Variants in CCDC91 observed in about 807,000 individuals in gnomAD.
The protein encoded by CCDC91 is coiled-coil domain-containing protein 91.
A neutral mutation model predicts 63.2 loss-of-function variants in CCDC91; 48 were observed. The ratio of observed to expected loss-of-function variants is 0.76; its 90% confidence interval spans 0.60 to 0.97. The LOEUF (loss-of-function observed/expected upper bound fraction) is 0.97, where lower values mean the gene tolerates loss of function less well. CCDC91 is among the 50% of genes least tolerant of loss of function. CCDC91 has a pLI of 0.00. For synonymous variants in CCDC91, 167 were observed against 165.8 expected (o/e 1.01, Z -0.06); for missense variants, 500 against 494.6 (o/e 1.01, Z -0.10).
chr12:28,464,009 A>G (rs1480481134), intron 11 of CCDC91, among the ~76,000 whole-genome samples: 2 of 152,088 alleles, frequency 1.3e-5, no homozygotes, highest in African/African-American at 4.8e-5. Flanking sequence ...ACCCCTCCCC[A>G]TCCAGAGAGT....
chr12:28,490,908 A>T (rs1210297928), intron 12 of CCDC91, among the ~76,000 whole-genome samples: 1 of 135,006 alleles, frequency 7.4e-6, no homozygotes, highest in African/African-American at 2.8e-5. Context: ...TGGTGAGATG[A>T]CCCTATTTGT....
At chr12:28,324,988 T>C (rs1332501999) in intron 6 of CCDC91, among the ~76,000 whole-genome samples, 1 of 151,910 alleles carries the variant, frequency 6.6e-6, no homozygotes, top group Non-Finnish European at 1.5e-5. Context: ...TAATGAAGCA[T>C]TCAAAAGCTC....
intron 12 of CCDC91, among the ~76,000 whole-genome samples, chr12:28,501,800 C>T (rs1232251484): frequency 1.3e-5 from 2 of 151,676 alleles, no homozygotes; most frequent in African/African-American, 4.8e-5. Context: ...CCTCCTTGTA[C>T]CTCTGGTAGA....
intron 12 of CCDC91, among the ~76,000 whole-genome samples, chr12:28,536,911 A>G (rs1942220723): frequency 6.6e-6 from 1 of 152,188 alleles, no homozygotes; most frequent in Non-Finnish European, 1.5e-5. Context: ...GCATCAAAAT[A>G]TTGAGACTGA....
chr12:28,512,059 T>A (rs547645219), intron 12 of CCDC91, among the ~76,000 whole-genome samples: 163 of 151,992 alleles, frequency 1.1e-3, no homozygotes, highest in African/African-American at 3.6e-3. Flanking sequence ...ATCTTATTTT[T>A]AAAAAATCTC....
chr12:28,515,967 A>G (rs1939900021), intron 12 of CCDC91, among the ~76,000 whole-genome samples: 1 of 151,944 alleles, frequency 6.6e-6, no homozygotes, highest in South Asian at 2.1e-4. Context: ...AGACTAATTG[A>G]AAGGGGTTAG....
At chr12:28,200,964 A>C (rs1942212065) in intron 1 of CCDC91, among the ~76,000 whole-genome samples, 6 of 114,626 alleles carry the variant, frequency 5.2e-5, no homozygotes, top group Non-Finnish European at 8.5e-5. Context: ...TGACCCCCCA[A>C]CCTCCCTCCC....
At chr12:28,396,991 G>T (rs1172430292) in intron 8 of CCDC91, among the ~76,000 whole-genome samples, 1 of 151,940 alleles carries the variant, frequency 6.6e-6, no homozygotes, top group African/African-American at 2.4e-5. Context: ...GTATATAGAT[G>T]GTCATTGAAA....
At chr12:28,440,476 C>G (rs1949127385) in intron 8 of CCDC91, among the ~76,000 whole-genome samples, 1 of 152,040 alleles carries the variant, frequency 6.6e-6, no homozygotes, top group African/African-American at 2.4e-5. Flanking sequence ...TGTAAAAGCT[C>G]TTAGAAGAAA....
At chr12:28,237,342 C>G (rs559106082) in intron 1 of CCDC91, among the ~76,000 whole-genome samples, 2 of 151,222 alleles carry the variant, frequency 1.3e-5, no homozygotes, top group African/African-American at 4.9e-5. Context: ...TAAGTGTTAC[C>G]TTGTGTGGAA....
At chr12:28,256,874 T>G (rs1946493504) in intron 1 of CCDC91, 1 of 225,560 alleles carries the variant, frequency 4.4e-6, no homozygotes, top group South Asian at 6.7e-5. Context: ...GCCAGACAAC[T>G]GAGGAATAGA....
intron 6 of CCDC91, among the ~76,000 whole-genome samples, chr12:28,329,112 C>T (rs2137612513): frequency 6.6e-6 from 1 of 152,180 alleles, no homozygotes; most frequent in East Asian, 1.9e-4. Flanking sequence ...AGAAGTCTTC[C>T]TGAAATAATA....
intron 1 of CCDC91, among the ~76,000 whole-genome samples, chr12:28,252,954 C>T (rs1468367931): frequency 2.0e-5 from 3 of 152,016 alleles, no homozygotes; most frequent in Admixed American, 6.6e-5. Context: ...TTATAATATT[C>T]GATAGATGAG....
At chr12:28,430,140 A>T (rs532028985) in intron 8 of CCDC91, among the ~76,000 whole-genome samples, 1 of 152,050 alleles carries the variant, frequency 6.6e-6, no homozygotes, top group Non-Finnish European at 1.5e-5. Flanking sequence ...ATTTCTAATA[A>T]GTGGGAAATG....
chr12:28,452,493 G>T lies in CCDC91; in HGVS notation c.940G>T (p.Val314Leu). The T allele has an allele frequency of 6.4e-7, 1 of 1,564,270 alleles. No individual in the cohort carries two copies. Among genetic ancestry groups the T allele is most frequent in the South Asian group, 1.2e-5 (1 of 83,022 alleles). Residue 314 changes from valine (V) to leucine (L), a missense_variant, in exon 11 of 13, where the codon GTG becomes TTG. Physicochemically the swap from Val to Leu is conservative, Grantham distance 32 (BLOSUM62 1). Coordinates refer to ENST00000536442, the MANE Select transcript of CCDC91 (RefSeq NM_018318.5). ...TATTTTGAAGCTTGAAAAAGAAGCA[G>T]TGAAGGATGCAGTTTTAAAAGTCGT... ...VSAAKLEKEA[V>L]KDAVLKVVEE...
At chr12:28,391,489 T>A in intron 8 of CCDC91, 78 bp downstream of exon 8, 1 of 764,004 alleles carries the variant, frequency 1.3e-6, no homozygotes, top group Non-Finnish European at 2.1e-6. Flanking sequence ...AACTGTTTAT[T>A]CAGTTCTGTT....
At chr12:28,262,359 T>C (rs559516929) in intron 3 of CCDC91, among the ~76,000 whole-genome samples, 1 of 152,150 alleles carries the variant, frequency 6.6e-6, no homozygotes, top group African/African-American at 2.4e-5. Context: ...TTAAAGTTTT[T>C]TGGGGAAAAT....
intron 6 of CCDC91, among the ~76,000 whole-genome samples, chr12:28,309,203 T>G (rs1187466288): frequency 6.6e-6 from 1 of 152,024 alleles, no homozygotes; most frequent in Non-Finnish European, 1.5e-5. Context: ...GTCTTTTCAG[T>G]GCCTGTGATG....
At chr12:28,338,487 T>G (rs1012711385) in intron 6 of CCDC91, among the ~76,000 whole-genome samples, 1 of 152,146 alleles carries the variant, frequency 6.6e-6, no homozygotes, top group African/African-American at 2.4e-5. Flanking sequence ...GTGCTTGATG[T>G]GCTTTCAGAA....
Sources: allele counts gnomAD v4.1 joint callset (sites outside exome capture counted in the v4.1 genomes callset), GRCh38; gene constraint gnomAD v4.1.1; transcripts MANE v1.5; gene names NCBI Gene and HGNC (gene_info 2026-07-23, HGNC 2026-07-21).